The following BAZ1B variants were observed in gnomAD, a reference collection of about 807,000 sequenced individuals.
The protein encoded by BAZ1B is bromodomain adjacent to zinc finger domain 1B, also known as tyrosine-protein kinase BAZ1B.
Under a neutral mutation model 153.8 loss-of-function variants are expected in BAZ1B, and 22 were observed. The ratio of observed to expected loss-of-function variants is 0.14; its 90% CI spans 0.10 to 0.20. The LOEUF (loss-of-function observed/expected upper bound fraction) is 0.20. Ranked by LOEUF, BAZ1B falls within the 10% of genes least tolerant of loss-of-function variation. The pLI is 1.00. For synonymous variants in BAZ1B, 676 were observed against 633.4 expected (o/e 1.07, Z -1.01); for missense variants, 1,325 against 1,799.3 (o/e 0.74, Z 4.77).
At chr7:73,491,312 A>G (rs1056533420) in intron 5 of BAZ1B, among the ~76,000 whole-genome samples, 24 of 151,650 alleles carry the variant, frequency 1.6e-4, no homozygotes, top group Non-Finnish European at 1.5e-4. Flanking sequence ...CAAAACAACA[A>G]CCTAGGCCGG....
At chr7:73,494,907 A>G (rs1165483453) in intron 4 of BAZ1B, among the ~76,000 whole-genome samples, 5 of 152,224 alleles carry the variant, frequency 3.3e-5, no homozygotes, top group Admixed American at 6.5e-5. Flanking sequence ...AAGTAAAAGA[A>G]TGAGAGAACA....
Position 73,522,291 on chromosome 7 carries a change from A to G in BAZ1B, c.-358T>C, listed in dbSNP as rs1215474332. On this transcript the variant is annotated 5_prime_UTR_variant, in exon 1 of 20. Transcript: ENST00000339594. ...TCCCCCGGGCCCGGCCAACGCACAC[A>G]CTAACTTGCTCCCCCGTGGCGCCGG... 2.7e-6 allele frequency: 1 copy of G among 374,480 alleles called. No homozygotes were observed. Among genetic ancestry groups the G allele is most frequent in the Non-Finnish European group, 4.7e-6 (1 of 210,984 alleles). 23.2% of individuals were successfully genotyped at this position (374,480 alleles called of 1,614,324 possible).
rs782604031 is a variant in BAZ1B, at chr7:73,466,342, C to T, written c.2926G>A (p.Glu976Lys). ...SMNTQHGTATEVAVETTTPKQ... is the reference protein window; with the variant it reads ...SMNTQHGTATKVAVETTTPKQ... The stretch of plus-strand genomic sequence containing the variant: ...GGTGTGGTTGTCTCTACAGCAACTT[C>T]TGTTGCTGTTCCATGTTGTGTGTTC... The change falls in exon 10 of 20, where the codon GAA becomes AAA. Residue 976 changes from glutamate to lysine, a missense_variant. Glu to Lys is a moderately conservative substitution (Grantham distance 56). Transcript: ENST00000339594. The T allele has an allele frequency of 3.1e-6, 5 of 1,613,840 alleles. No individual in the cohort carries two copies. In the African/African-American group the frequency reaches 6.7e-5, roughly 22 times the overall value.
chr7:73,480,921 T>C (rs1789173775), intron 6 of BAZ1B, among the ~76,000 whole-genome samples: 3 of 152,072 alleles, frequency 2.0e-5, no homozygotes, highest in African/African-American at 4.8e-5. Context: ...TATAAAGCCA[T>C]TTAAATTTTT....
At chr7:73,483,977 G>A (rs1789297573) in intron 6 of BAZ1B, among the ~76,000 whole-genome samples, 1 of 152,158 alleles carries the variant, frequency 6.6e-6, no homozygotes, top group East Asian at 1.9e-4. Flanking sequence ...AGACTTTAAA[G>A]AAAAATCAGG....
At chr7:73,485,446 C>T (rs1261851918) in intron 6 of BAZ1B, among the ~76,000 whole-genome samples, 1 of 151,684 alleles carries the variant, frequency 6.6e-6, no homozygotes, top group African/African-American at 2.4e-5. Flanking sequence ...GAGTGAGACT[C>T]CATCTTTACA....
chr7:73,444,024 G>A lies in BAZ1B; in HGVS notation c.3950C>T (p.Pro1317Leu). ...KKPHSTRRSQ[P>L]KAPPVDDAEV... ...AGCATCATCCACAGGTGGTGCCTTGGGCTGAGACCTCCTGGTAGAGTGTGG... is the reference window on the plus strand; with the variant it reads ...AGCATCATCCACAGGTGGTGCCTTGAGCTGAGACCTCCTGGTAGAGTGTGG... The change falls in exon 17 of 20, where the codon CCC becomes CTC. Residue 1317 changes from proline (P) to leucine (L), a missense_variant. Pro to Leu is a moderately conservative substitution (Grantham distance 98). Coordinates refer to ENST00000339594, the MANE Select transcript of BAZ1B (RefSeq NM_032408.4). 1 of 1,613,878 alleles carries A rather than the reference G, an allele frequency of 6.2e-7. No individual in the cohort carries two copies. Among genetic ancestry groups the A allele is most frequent in the South Asian group, 1.1e-5 (1 of 91,000 alleles).
intron 3 of BAZ1B, among the ~76,000 whole-genome samples, chr7:73,499,193 A>G (rs2116413422): frequency 6.6e-6 from 1 of 152,186 alleles, no homozygotes; most frequent in East Asian, 1.9e-4. Context: ...GTGCCAGGCT[A>G]ATTTTTGTAT....
At chr7:73,491,158 C>T (rs1554575420) in intron 5 of BAZ1B, among the ~76,000 whole-genome samples, 3 of 151,872 alleles carry the variant, frequency 2.0e-5, no homozygotes, top group African/African-American at 7.2e-5. Flanking sequence ...CGGTGGCGGG[C>T]ACCTGTAATC....
intron 3 of BAZ1B, among the ~76,000 whole-genome samples, chr7:73,501,197 G>A (rs561273494): frequency 8.5e-4 from 126 of 147,370 alleles, no homozygotes; most frequent in Non-Finnish European, 1.4e-3. Context: ...CGGAGGTTGC[G>A]GTGAGCCAAG....
chr7:73,451,929 A>G (rs1788037333), intron 13 of BAZ1B, among the ~76,000 whole-genome samples: 2 of 152,212 alleles, frequency 1.3e-5, no homozygotes, highest in Admixed American at 1.3e-4. Context: ...CGGTTCTTTA[A>G]AAGTGCTTGA....
At chr7:73,512,473 G>A (rs570852655) in intron 1 of BAZ1B, among the ~76,000 whole-genome samples, 40 of 152,088 alleles carry the variant, frequency 2.6e-4, no homozygotes, top group Non-Finnish European at 5.0e-4. Context: ...TATTTATCCA[G>A]TCTCTATGAT....
At chr7:73,446,282 A>G (rs771175726) in intron 16 of BAZ1B, among the ~76,000 whole-genome samples, 2 of 152,108 alleles carry the variant, frequency 1.3e-5, no homozygotes, top group Non-Finnish European at 2.9e-5. Flanking sequence ...TTTTCTACGA[A>G]CCTGTAAAGA....
intron 7 of BAZ1B, among the ~76,000 whole-genome samples, chr7:73,472,044 C>G (rs975675040): frequency 6.6e-6 from 1 of 152,168 alleles, no homozygotes; most frequent in Non-Finnish European, 1.5e-5. Flanking sequence ...GACCTGAACT[C>G]TAATCCAAAT....
In BAZ1B at chr7:73,492,866, T is replaced by C. The variant is rs782330762; in HGVS notation, c.627A>G (p.Glu209=). 1 of 1,611,030 alleles carries C rather than the reference T, an allele frequency of 6.2e-7. No homozygotes were observed. The highest frequency in any genetic ancestry group is 2.2e-5 in the East Asian group (1 of 44,784). The change falls in exon 5 of 20, where the codon GAA becomes GAG. Residue 209 remains glutamate, a synonymous_variant. Coordinates refer to ENST00000339594, the MANE Select transcript of BAZ1B (RefSeq NM_032408.4). ...GAAATTTTGGAGGAGCCCATTTCCT[T>C]TCTCCTTTTTTTAATGAAGTAGGAA... ...RKLPTSLKKG[E]RKWAPPKFLP...
In BAZ1B at chr7:73,442,743, C is replaced by A. The variant is rs1250856393; in HGVS notation, c.4076G>T (p.Arg1359Leu). 6.2e-7 allele frequency: 1 copy of A among 1,613,938 alleles called. No homozygotes were observed. The highest frequency in any genetic ancestry group is 1.3e-5 in the African/African-American group (1 of 74,932). The change falls in exon 18 of 20, where the codon CGC (arginine) becomes CTC (leucine). Residue 1359 changes from arginine to leucine, a missense_variant. Arg to Leu is a moderately radical substitution (Grantham distance 102). Around this residue, in one of 9 missense-constraint regions of BAZ1B, gnomAD observed 271 missense variants for 337.2 expected, o/e 0.80. Transcript: ENST00000339594. The stretch of plus-strand genomic sequence containing the variant: ...CACTCACCTGAAGGGCCAGCTGAAG[C>A]GGTACTTCACGATCTTGTGGAGGAT... ...EEILHKIVKYRFSWPFREPVT... is the reference protein window; with the variant it reads ...EEILHKIVKYLFSWPFREPVT...
intron 2 of BAZ1B, among the ~76,000 whole-genome samples, chr7:73,509,892 C>CAAGGCGGGAGGATCACGAG (rs1554578339): frequency 1.3e-5 from 2 of 151,380 alleles, no homozygotes. Context: ...TTTGGGAGGC[C>CAAGGCGGGAGGATCACGAG]GAAATGAGCA....
intron 4 of BAZ1B, among the ~76,000 whole-genome samples, chr7:73,493,948 A>G (rs190729133): frequency 4.2e-4 from 64 of 152,310 alleles, no homozygotes; most frequent in African/African-American, 1.5e-3. Flanking sequence ...TACAGTGAAA[A>G]AAATTCAAAA....
intron 2 of BAZ1B, 46 bp from the exon 3 acceptor site, chr7:73,508,517 C>T: frequency 3.2e-6 from 5 of 1,546,048 alleles, no homozygotes; most frequent in Non-Finnish European, 3.5e-6. Flanking sequence ...AAACACCTAC[C>T]CAGAGATTTA....
Sources: gnomAD v4.1 joint callset for allele counts (sites outside exome capture counted in the v4.1 genomes callset) on GRCh38, gnomAD v4.1.1 for gene constraint, gnomAD v4.1.1 regional missense constraint, MANE v1.5 for transcripts, NCBI Gene and HGNC (gene_info 2026-07-23, HGNC 2026-07-21) for gene names.